Variants in ERC2 observed in about 807,000 individuals in gnomAD.
The protein encoded by ERC2 is ELKS/RAB6-interacting/CAST family member 2, also known as ERC protein 2.
ERC2 carries 42 observed loss-of-function variants against 114.8 expected under a neutral mutation model. The ratio of observed to expected loss-of-function variants is 0.37; its 90% CI spans 0.29 to 0.47. The LOEUF (loss-of-function observed/expected upper bound fraction) is 0.47. Among genes scored for constraint, ERC2 ranks in the 20% least tolerant of loss-of-function variants. The probability of loss-of-function intolerance (pLI) is 0.99; values close to 1 mark genes in which losing one functional copy is unlikely to be tolerated. For missense variants in ERC2, 939 were observed against 1,150.7 expected, an observed-to-expected ratio of 0.82 and a Z score of 2.66; for synonymous variants, 454 against 425.5, an observed-to-expected ratio of 1.07 and a Z score of -0.82.
At chr3:56,144,022 T>C (rs565334543) in intron 5 of ERC2, among the ~76,000 whole-genome samples, 1 of 152,320 alleles carries the variant, frequency 6.6e-6, no homozygotes, top group Admixed American at 6.5e-5. Context: ...ACAAGCTTCA[T>C]CTTGCTAGCC....
intron 17 of ERC2, among the ~76,000 whole-genome samples, chr3:55,625,011 A>G (rs1559760043): frequency 1.3e-5 from 2 of 152,154 alleles, no homozygotes; most frequent in Non-Finnish European, 2.9e-5. Flanking sequence ...ATCCATTTCC[A>G]TCTCTCCATG....
chr3:55,919,916 C>T lies in ERC2; in HGVS notation c.2403+30509G>A, dbSNP rs368295344. Among the ~76,000 whole-genome samples the T allele has an allele frequency of 4.6e-5, 7 of 152,158 alleles. No individual in the cohort carries two copies. In the South Asian group the frequency reaches 1.5e-3, roughly 32 times the overall value. On this transcript the variant is annotated intron_variant, in intron 13 of 17. Coordinates refer to ENST00000288221, the MANE Select transcript of ERC2 (RefSeq NM_015576.3). ...AGGAGGAGGCCACTGAGTAATTGGC[C>T]TAATAAGTGAAGTTAATGAATAAAG...
intron 2 of ERC2, among the ~76,000 whole-genome samples, chr3:56,352,525 G>C (rs2058592090): frequency 6.6e-6 from 1 of 152,176 alleles, no homozygotes; most frequent in African/African-American, 2.4e-5. Context: ...TCTTTGTCTG[G>C]AGGTCCTAGT....
At chr3:56,225,515 T>C (rs1485329506) in intron 3 of ERC2, among the ~76,000 whole-genome samples, 1 of 152,246 alleles carries the variant, frequency 6.6e-6, no homozygotes, top group Non-Finnish European at 1.5e-5. Context: ...ATCTTTGCTC[T>C]CTTGTCTTCA....
chr3:56,334,799 ATTTG>A (rs138266284), intron 2 of ERC2, among the ~76,000 whole-genome samples: 6,598 of 151,980 alleles, frequency 0.043, 196 homozygotes, highest in African/African-American at 0.083. Flanking sequence ...AAATCTATTT[ATTTG>A]TTTGTTTGTT....
Position 55,798,372 on chromosome 3 carries a change from G to T in ERC2, c.2565-63454C>A, listed in dbSNP as rs1044822955. Among the ~76,000 whole-genome samples the T allele has an allele frequency of 5.9e-5, 9 of 152,232 alleles. 1 individual carries two copies. The highest frequency in any genetic ancestry group is 4.1e-4 in the South Asian group (2 of 4,824). ...CCAGCACTTTCGGAGGCCGAGGCGG[G>T]CAGATCACGAGGTCAGGAGATCGAG... is the stretch of plus-strand genomic sequence containing the variant. On this transcript the variant is annotated intron_variant, in intron 14 of 17. Coordinates refer to ENST00000288221, the MANE Select transcript of ERC2 (RefSeq NM_015576.3).
At chr3:55,768,860 T>C (rs1262578053) in intron 14 of ERC2, among the ~76,000 whole-genome samples, 5 of 152,158 alleles carry the variant, frequency 3.3e-5, no homozygotes, top group Admixed American at 3.3e-4. Context: ...TTAATATTAT[T>C]TTTGCCTCTG....
At chr3:55,575,705 C>T (rs766580457) in intron 17 of ERC2, among the ~76,000 whole-genome samples, 2 of 152,160 alleles carry the variant, frequency 1.3e-5, no homozygotes, top group Non-Finnish European at 2.9e-5. Flanking sequence ...TTCTCCAGCT[C>T]CACTAGTGGC....
intron 2 of ERC2, among the ~76,000 whole-genome samples, chr3:56,428,570 A>AGGGGGAGGGAAGG (rs1330823702): frequency 8.9e-6 from 1 of 111,852 alleles, no homozygotes; most frequent in East Asian, 2.7e-4. Context: ...GGAGGGAGGG[A>AGGGGGAGGGAAGG]GGGGAGAAAA....
intron 13 of ERC2, among the ~76,000 whole-genome samples, chr3:55,942,350 G>T (rs564532609): frequency 2.2e-5 from 3 of 138,448 alleles, no homozygotes; most frequent in East Asian, 4.3e-4. Context: ...GTGCAGTGGC[G>T]GGATCTCGGC....
chr3:56,023,828 G>GCTT (rs1217733082), intron 7 of ERC2, among the ~76,000 whole-genome samples: 4 of 57,688 alleles, frequency 6.9e-5, no homozygotes, highest in South Asian at 6.9e-4. Flanking sequence ...AAAGAAAGTG[G>GCTT]CTTGTGTAAA....
At chr3:55,652,240 C>A (rs542602679) in intron 17 of ERC2, among the ~76,000 whole-genome samples, 1 of 152,314 alleles carries the variant, frequency 6.6e-6, no homozygotes, top group Non-Finnish European at 1.5e-5. Flanking sequence ...AACTGGAAAG[C>A]AGGTTCTGTT....
chr3:56,457,517 G>A (rs1270236291), intron 1 of ERC2, among the ~76,000 whole-genome samples: 6 of 152,170 alleles, frequency 3.9e-5, no homozygotes, highest in East Asian at 1.9e-4. Context: ...TTGCCATGAC[G>A]GTGAAATAAA....
intron 7 of ERC2, among the ~76,000 whole-genome samples, chr3:56,055,270 G>C (rs2075961783): frequency 6.6e-6 from 1 of 152,212 alleles, no homozygotes. Context: ...TGGGATGGCA[G>C]TATTCCCTGA....
At chr3:55,849,832 A>G (rs55957219) in intron 14 of ERC2, among the ~76,000 whole-genome samples, 12,835 of 152,226 alleles carry the variant, frequency 0.084, 834 homozygotes, top group African/African-American at 0.18. Flanking sequence ...CAGCCAAGGA[A>G]TTGATCTTCA....
At chr3:55,657,526 A>C (rs1008173064) in intron 17 of ERC2, 15 of 152,032 alleles carry the variant, frequency 9.9e-5, no homozygotes, top group Admixed American at 7.9e-4. Context: ...CATGATCTCA[A>C]CTCACTGGAA....
At chr3:56,016,645 T>C (rs1236671092) in intron 8 of ERC2, among the ~76,000 whole-genome samples, 1 of 152,012 alleles carries the variant, frequency 6.6e-6, no homozygotes, top group Non-Finnish European at 1.5e-5. Context: ...CAACAGGAGC[T>C]TCCTGGTAAT....
At position 56,365,117 on chromosome 3, in the gene ERC2, C is replaced by A. The variant is rs566513613; in HGVS notation, c.658-68682G>T. ...CAGTATTCTGACCTAAGTGTTTCAT[C>A]AATGATTGGCGGCTATTATTTTTAC... is the stretch of plus-strand genomic sequence containing the variant. On this transcript the variant is annotated intron_variant, in intron 2 of 17. Transcript: ENST00000288221. 1.3e-4 allele frequency among the ~76,000 whole-genome samples: 20 copies of A among 152,334 alleles called. No individual in the cohort carries two copies. The South Asian group carries it at 3.7e-3, about 28-fold the overall frequency.
At chr3:56,444,372 C>CA (rs748334837) in intron 1 of ERC2, among the ~76,000 whole-genome samples, 33 of 151,526 alleles carry the variant, frequency 2.2e-4, no homozygotes, top group Non-Finnish European at 4.0e-4. Flanking sequence ...TTGCTGACAT[C>CA]AAAAAAAATT....
Sources: gnomAD v4.1 joint callset for allele counts (sites outside exome capture counted in the v4.1 genomes callset) on GRCh38, gnomAD v4.1.1 for gene constraint, MANE v1.5 for transcripts, NCBI Gene and HGNC (gene_info 2026-07-23, HGNC 2026-07-21) for gene names.